The following GRIN2B variants were observed in gnomAD, a reference collection of about 807,000 sequenced individuals.
The protein encoded by GRIN2B is glutamate receptor ionotropic, NMDA 2B.
GRIN2B carries 5 observed loss-of-function variants against 114.5 expected under a neutral mutation model. That is an observed-to-expected ratio of 0.04 (90% CI 0.02 to 0.09). GRIN2B has a LOEUF of 0.09. Ranked by LOEUF, GRIN2B falls within the 10% of genes least tolerant of loss-of-function variation. The pLI, the probability that GRIN2B is intolerant of heterozygous loss-of-function variation, is 1.00. For synonymous variants in GRIN2B, 787 were observed against 745.1 expected (o/e 1.06, Z -0.92); for missense variants, 1,108 against 1,943.5 (o/e 0.57, Z 8.08).
intron 10 of GRIN2B, among the ~76,000 whole-genome samples, chr12:13,603,251 C>A (rs1949188481): frequency 6.6e-6 from 1 of 152,188 alleles, no homozygotes; most frequent in Admixed American, 6.5e-5. Flanking sequence ...TACTATCTAT[C>A]TAATTATTAT....
chr12:13,764,061 C>T (rs570160732), intron 3 of GRIN2B, among the ~76,000 whole-genome samples: 1 of 152,010 alleles, frequency 6.6e-6, no homozygotes, highest in African/African-American at 2.4e-5. Flanking sequence ...GCAATACAAT[C>T]CACTAGGATG....
At chr12:13,687,970 C>A (rs1271134919) in intron 4 of GRIN2B, among the ~76,000 whole-genome samples, 2 of 152,290 alleles carry the variant, frequency 1.3e-5, no homozygotes, top group South Asian at 2.1e-4. Context: ...TTTTAAAAAA[C>A]CCAACAATGT....
At chr12:13,916,867 T>C (rs1341153271) in intron 2 of GRIN2B, among the ~76,000 whole-genome samples, 1 of 151,700 alleles carries the variant, frequency 6.6e-6, no homozygotes, top group Non-Finnish European at 1.5e-5. Context: ...ACACAAGACA[T>C]CTGGGAACAC....
chr12:13,739,798 C>T (rs1863249716), intron 4 of GRIN2B, among the ~76,000 whole-genome samples: 3 of 152,264 alleles, frequency 2.0e-5, no homozygotes, highest in African/African-American at 4.8e-5. Flanking sequence ...CACTAGAGGC[C>T]GCTCTGAGCC....
At chr12:13,931,150 A>T (rs889640648) in intron 2 of GRIN2B, among the ~76,000 whole-genome samples, 55 of 152,238 alleles carry the variant, frequency 3.6e-4, no homozygotes, top group African/African-American at 1.2e-3. Context: ...TAAAAATTTT[A>T]AATTATACTA....
At chr12:13,824,987 T>G (rs1865005851) in intron 3 of GRIN2B, among the ~76,000 whole-genome samples, 2 of 152,138 alleles carry the variant, frequency 1.3e-5, no homozygotes, top group South Asian at 4.1e-4. Flanking sequence ...TTACTCTTCT[T>G]TCTCTAGATT....
chr12:13,603,595 C>A (rs183779631), intron 10 of GRIN2B, among the ~76,000 whole-genome samples: 1 of 151,790 alleles, frequency 6.6e-6, no homozygotes, highest in Non-Finnish European at 1.5e-5. Flanking sequence ...GGGAAGTTAT[C>A]GCTGAAGTTA....
At chr12:13,873,834 C>T (rs1459315119) in intron 2 of GRIN2B, among the ~76,000 whole-genome samples, 1 of 152,144 alleles carries the variant, frequency 6.6e-6, no homozygotes, top group Non-Finnish European at 1.5e-5. Flanking sequence ...AAATATAGTC[C>T]TGCAGAGAAT....
At chr12:13,895,631 C>G (rs1414540168) in intron 2 of GRIN2B, among the ~76,000 whole-genome samples, 1 of 152,164 alleles carries the variant, frequency 6.6e-6, no homozygotes, top group Admixed American at 6.5e-5. Context: ...GTAAACGGAA[C>G]TCTCCAGATA....
intron 2 of GRIN2B, among the ~76,000 whole-genome samples, chr12:13,921,767 C>T (rs1016032497): frequency 1.3e-5 from 2 of 152,202 alleles, no homozygotes; most frequent in Admixed American, 1.3e-4. Context: ...AGGGAAGACA[C>T]CATGTCTAAT....
chr12:13,905,355 T>G (rs1291959329), intron 2 of GRIN2B, among the ~76,000 whole-genome samples: 3 of 152,200 alleles, frequency 2.0e-5, no homozygotes, highest in Non-Finnish European at 2.9e-5. Flanking sequence ...TTTATTACAC[T>G]TTCAGTTATT....
At chr12:13,612,540 C>A (rs1294580354) in intron 8 of GRIN2B, among the ~76,000 whole-genome samples, 2 of 152,200 alleles carry the variant, frequency 1.3e-5, no homozygotes, top group Non-Finnish European at 2.9e-5. Flanking sequence ...GACAAGGGAA[C>A]ATGTCTAAGC....
At chr12:13,976,530 T>A (rs534932264) in intron 2 of GRIN2B, among the ~76,000 whole-genome samples, 2 of 152,330 alleles carry the variant, frequency 1.3e-5, no homozygotes, top group South Asian at 4.1e-4. Flanking sequence ...GACACAAGAC[T>A]ATCGTTTGGA....
At chr12:13,745,349 T>C (rs1044534434) in intron 4 of GRIN2B, among the ~76,000 whole-genome samples, 25 of 152,158 alleles carry the variant, frequency 1.6e-4, no homozygotes, top group African/African-American at 5.8e-4. Context: ...TCCTAAATAA[T>C]ACCAGCTTCA....
Position 13,913,157 on chromosome 12 carries a change from A to T in GRIN2B, c.-18-46931T>A, listed in dbSNP as rs1866653155. Among the ~76,000 whole-genome samples the T allele has an allele frequency of 3.3e-5, 5 of 152,180 alleles. No individual in the cohort carries two copies. In the South Asian group the frequency reaches 1.0e-3, roughly 32 times the overall value. Reference sequence around the variant, plus strand: ...ACATGGCCTGGATGGAGGATCCCACATAGATCTTTAGTACTGTTGGAGCCA... The same window carrying T: ...ACATGGCCTGGATGGAGGATCCCACTTAGATCTTTAGTACTGTTGGAGCCA... On this transcript the variant is annotated intron_variant, in intron 2 of 13. Coordinates refer to ENST00000609686, the MANE Select transcript of GRIN2B (RefSeq NM_000834.5).
At chr12:13,778,318 C>T (rs570916451) in intron 3 of GRIN2B, among the ~76,000 whole-genome samples, 9 of 152,338 alleles carry the variant, frequency 5.9e-5, no homozygotes, top group African/African-American at 1.9e-4. Flanking sequence ...GAATGTATTA[C>T]ACTCTCTGAA....
At chr12:13,874,261 C>T (rs990778905) in intron 2 of GRIN2B, among the ~76,000 whole-genome samples, 2 of 152,212 alleles carry the variant, frequency 1.3e-5, no homozygotes, top group African/African-American at 4.8e-5. Context: ...TCCAGTGGCT[C>T]AAGCCAGGTT....
chr12:13,891,736 G>A (rs1346236507), intron 2 of GRIN2B, among the ~76,000 whole-genome samples: 4 of 152,100 alleles, frequency 2.6e-5, no homozygotes, highest in Non-Finnish European at 5.9e-5. Context: ...TTAGAATGGT[G>A]AATTATAGGT....
chr12:13,653,673 G>T (rs2136519554), intron 5 of GRIN2B, among the ~76,000 whole-genome samples: 2 of 152,162 alleles, frequency 1.3e-5, no homozygotes, highest in South Asian at 4.1e-4. Context: ...TTACACATAA[G>T]AAATCACAAA....
Sources: gnomAD v4.1 joint callset for allele counts (sites outside exome capture counted in the v4.1 genomes callset) on GRCh38, gnomAD v4.1.1 for gene constraint, MANE v1.5 for transcripts, NCBI Gene and HGNC (gene_info 2026-07-23, HGNC 2026-07-21) for gene names.